The following TEX29 variants were observed in gnomAD, a reference collection of about 807,000 sequenced individuals.
The protein encoded by TEX29 is testis expressed 29.
Under a neutral mutation model 18.2 loss-of-function variants are expected in TEX29, and 26 were observed. The ratio of observed to expected loss-of-function variants is 1.43; its 90% CI spans 1.04 to 1.98. The LOEUF is 1.98. TEX29 is among the 30% of genes most tolerant of loss of function. TEX29 has a pLI of 0.00. For missense variants in TEX29, 177 were observed against 194.2 expected (o/e 0.91, Z 0.53); for synonymous variants, 83 against 78.5 (o/e 1.06, Z -0.31).
At chr13:111,321,903 G>T (rs76830875) in intron 2 of TEX29, among the ~76,000 whole-genome samples, 1 of 152,316 alleles carries the variant, frequency 6.6e-6, no homozygotes, top group South Asian at 2.1e-4. Context: ...CAGCCTGGGC[G>T]ACAAAGCGAG....
Position 111,327,139 on chromosome 13 carries a change from C to T in TEX29, c.59-1044C>T, listed in dbSNP as rs191154592. ...ATGCAACTGAGGGAGGAGAGGGTGG[C>T]AGCAGCCGGTGACTTCAGCCTGCCC... On this transcript the variant is annotated intron_variant, in intron 2 of 5. Coordinates refer to ENST00000283547, the MANE Select transcript of TEX29 (RefSeq NM_152324.3). Among the ~76,000 whole-genome samples, 375 of 152,340 alleles carry T rather than the reference C, an allele frequency of 2.5e-3. 2 individuals carry two copies. The highest frequency in any genetic ancestry group is 8.5e-3 in the African/African-American group (352 of 41,582).
At chr13:111,320,817 CCCCAGGGCCCCG>C in intron 1 of TEX29, 28 bp from the exon 2 acceptor site, 1 of 1,598,528 alleles carries the variant, frequency 6.3e-7, no homozygotes. Context: ...CAAACGACGT[CCCCAGGGCCCCG>C]CCCGTGCTGA....
chr13:111,320,856 G>T lies in TEX29; in HGVS notation c.-34-1G>T. The T allele has an allele frequency of 6.2e-7, 1 of 1,613,590 alleles. No homozygotes were observed. Among genetic ancestry groups the T allele is most frequent in the Non-Finnish European group, 8.5e-7 (1 of 1,179,926 alleles). On this transcript the variant is annotated splice_acceptor_variant, in intron 1 of 5. Coordinates refer to ENST00000283547, the MANE Select transcript of TEX29 (RefSeq NM_152324.3). LOFTEE classifies it low-confidence loss of function (5UTR_SPLICE). Reference sequence around the variant, plus strand: ...CCGTGCTGACCTCTCCTGTTTTCCAGGTGTGCTCGGCCCCTTCATCTGTCA... The same window carrying T: ...CCGTGCTGACCTCTCCTGTTTTCCATGTGTGCTCGGCCCCTTCATCTGTCA...
At chr13:111,340,166 G>T (rs1056544292) in intron 4 of TEX29, among the ~76,000 whole-genome samples, 2 of 150,870 alleles carry the variant, frequency 1.3e-5, no homozygotes. Context: ...ACCTGTGCTT[G>T]TTGATGAAAA....
chr13:111,321,076 G>A, intron 2 of TEX29, 128 bp downstream of exon 2: 1 of 1,027,592 alleles, frequency 9.7e-7, no homozygotes, highest in Admixed American at 2.4e-5. Flanking sequence ...AGGAGGGCAA[G>A]GCAGCAAAAT....
chr13:111,321,094 C>A, intron 2 of TEX29, 146 bp downstream of exon 2: 1 of 853,786 alleles, frequency 1.2e-6, no homozygotes, highest in Non-Finnish European at 1.8e-6. Flanking sequence ...AATGTGTGTT[C>A]AGGAAATAAC....
At chr13:111,321,178 A>G (rs2093663973) in intron 2 of TEX29, among the ~76,000 whole-genome samples, 2 of 152,266 alleles carry the variant, frequency 1.3e-5, no homozygotes, top group South Asian at 4.1e-4. Flanking sequence ...GGTTTTCTAG[A>G]TGAAGAAATA....
intron 5 of TEX29, among the ~76,000 whole-genome samples, chr13:111,343,153 TC>T (rs2093699321): frequency 1.3e-5 from 2 of 152,248 alleles, no homozygotes; most frequent in African/African-American, 2.4e-5. Flanking sequence ...AGTCTTGTCC[TC>T]CCCCTTCCCA....
chr13:111,320,707 AG>A lies in TEX29; in HGVS notation c.-89del, dbSNP rs2153641078. ...TACCTAAAAGGTGTTTTCCACGTGG[AG>A]TGGGACTGAGAGGCACAGGTGGCTG... On this transcript the variant is annotated 5_prime_UTR_variant, in exon 1 of 6. The change creates a new upstream start codon in the 5' untranslated region. Transcript: ENST00000283547. 1 of 698,776 alleles carries A rather than the reference AG, an allele frequency of 1.4e-6. No homozygotes were observed. Among genetic ancestry groups the A allele is most frequent in the Admixed American group, 2.2e-5 (1 of 45,050 alleles). The allele number at this position is 698,776 out of a possible 1,614,324, so 43.3% of individuals were successfully genotyped here.
chr13:111,325,422 G>A (rs1193648664), intron 2 of TEX29, among the ~76,000 whole-genome samples: 1 of 152,086 alleles, frequency 6.6e-6, no homozygotes, highest in East Asian at 1.9e-4. Context: ...TGCAGTGGGC[G>A]AGCTGCCAGT....
chr13:111,339,474 T>A (rs907308625), intron 3 of TEX29: 42 of 407,268 alleles, frequency 1.0e-4, no homozygotes, highest in African/African-American at 8.8e-4. Context: ...CACAACCCCG[T>A]GGGTCAGGAG....
intron 3 of TEX29, among the ~76,000 whole-genome samples, chr13:111,331,038 G>C (rs763467331): frequency 6.6e-5 from 10 of 152,194 alleles, no homozygotes; most frequent in Non-Finnish European, 1.3e-4. Context: ...GTGCAAACAT[G>C]TTTTTTATTC....
chr13:111,321,031 G>A, intron 2 of TEX29, 83 bp downstream of exon 2: 2 of 1,469,022 alleles, frequency 1.4e-6, no homozygotes, highest in Non-Finnish European at 1.9e-6. Flanking sequence ...TTGAGCCCCT[G>A]GCGCGGACAG....
At chr13:111,341,903 C>T (rs569248823) in intron 4 of TEX29, among the ~76,000 whole-genome samples, 4 of 152,210 alleles carry the variant, frequency 2.6e-5, no homozygotes, top group Non-Finnish European at 2.9e-5. Flanking sequence ...GAGGGGGTCC[C>T]GAGGCTGATG....
intron 3 of TEX29, among the ~76,000 whole-genome samples, chr13:111,333,741 GGT>G (rs1567162525): frequency 3.9e-5 from 6 of 152,262 alleles, no homozygotes; most frequent in East Asian, 1.9e-4. Flanking sequence ...AGAAGGCAAA[GGT>G]GAAGCAAGAC....
At chr13:111,333,207 G>A (rs992400332) in intron 3 of TEX29, among the ~76,000 whole-genome samples, 2 of 151,958 alleles carry the variant, frequency 1.3e-5, no homozygotes, top group African/African-American at 4.8e-5. Flanking sequence ...GGATCTCTCT[G>A]AGTTTATCCT....
At chr13:111,338,182 C>T (rs1293091500) in intron 3 of TEX29, among the ~76,000 whole-genome samples, 1 of 152,108 alleles carries the variant, frequency 6.6e-6, no homozygotes, top group Non-Finnish European at 1.5e-5. Flanking sequence ...GTTTAGATCC[C>T]TGGTACCTGT....
chr13:111,328,302 A>G lies in TEX29; in HGVS notation c.169+9A>G. 1 of 1,605,430 alleles carries G rather than the reference A, an allele frequency of 6.2e-7. No homozygotes were observed. Among genetic ancestry groups the G allele is most frequent in the Non-Finnish European group, 8.5e-7 (1 of 1,173,282 alleles). ...CAAGAAAGCGGTTCCCAGTGAGTAG[A>G]CGCCCCGGCCACCCCGTGGCGGAAG... On this transcript the variant is annotated intron_variant, in intron 3 of 5. Transcript: ENST00000283547.
upstream of TEX29, among the ~76,000 whole-genome samples, chr13:111,320,434 T>C (rs370427559): frequency 2.1e-4 from 32 of 152,328 alleles, no homozygotes; most frequent in African/African-American, 6.0e-4. Context: ...AAGGTGGGAC[T>C]CAGCCCATGG....
Sources: allele counts gnomAD v4.1 joint callset (sites outside exome capture counted in the v4.1 genomes callset), GRCh38; gene constraint gnomAD v4.1.1; transcripts MANE v1.5; gene names NCBI Gene and HGNC (gene_info 2026-07-23, HGNC 2026-07-21).